The following DOCK7 variants were observed in gnomAD, a reference collection of about 807,000 sequenced individuals.
DOCK7 encodes dedicator of cytokinesis protein 7.
In DOCK7, 138 loss-of-function variants were observed where a neutral mutation model predicts 271.0. That is an observed-to-expected ratio of 0.51 (90% CI 0.44 to 0.59). The LOEUF is 0.59. Ranked by LOEUF, DOCK7 falls within the 20% of genes least tolerant of loss-of-function variation. The probability of loss-of-function intolerance (pLI) is 0.00; values close to 1 mark genes in which losing one functional copy is unlikely to be tolerated. For synonymous variants in DOCK7, 823 were observed against 876.1 expected (o/e 0.94, Z 1.07); for missense variants, 2,066 against 2,592.4 (o/e 0.80, Z 4.41).
At chr1:62,550,685 A>G (rs564203991) in intron 22 of DOCK7, among the ~76,000 whole-genome samples, 1 of 151,930 alleles carries the variant, frequency 6.6e-6, no homozygotes, top group South Asian at 2.1e-4. Context: ...TTTGGGAAAG[A>G]TAAGGGAACT....
chr1:62,495,514 T>C (rs1419641312), intron 39 of DOCK7, 67 bp downstream of exon 39: 5 of 943,092 alleles, frequency 5.3e-6, no homozygotes, highest in Non-Finnish European at 7.5e-6. Flanking sequence ...ATTTTTTTCA[T>C]CTAATGCTTA....
In DOCK7 at chr1:62,604,596, G is replaced by A; in HGVS notation, c.1682+14110C>T. The A allele has an allele frequency of 4.4e-6, 7 of 1,592,190 alleles. No homozygotes were observed. The East Asian group carries it at 6.7e-5, about 15-fold the overall frequency. On this transcript the variant is annotated intron_variant, in intron 14 of 49. Coordinates refer to ENST00000635253, the MANE Select transcript of DOCK7 (RefSeq NM_001367561.1). ...ATACAGTAACAGTAACTACATACGAGTCTGTACCCATTAAATTGCATATCT... is the reference window on the plus strand; with the variant it reads ...ATACAGTAACAGTAACTACATACGAATCTGTACCCATTAAATTGCATATCT...
intron 48 of DOCK7, among the ~76,000 whole-genome samples, chr1:62,460,248 AAAT>A (rs2149227061): frequency 6.6e-6 from 1 of 152,228 alleles, no homozygotes; most frequent in South Asian, 2.1e-4. Flanking sequence ...TCACCCATAA[AAAT>A]AATTGTAAAA....
intron 21 of DOCK7, among the ~76,000 whole-genome samples, chr1:62,553,344 ATATATATATATTTTTTT>A (rs1646003813): frequency 1.9e-4 from 6 of 31,304 alleles, no homozygotes; most frequent in Non-Finnish European, 2.7e-4. Context: ...ATATATATAT[ATATATATATATTTTTTT>A]TTTTTTTTTT....
chr1:62,596,379 A>T (rs765911388), intron 14 of DOCK7, among the ~76,000 whole-genome samples: 1 of 152,228 alleles, frequency 6.6e-6, no homozygotes, highest in Non-Finnish European at 1.5e-5. Context: ...AAGATTAAGC[A>T]GTTTTAAAGG....
At chr1:62,622,878 C>T (rs931431725) in intron 12 of DOCK7, among the ~76,000 whole-genome samples, 11 of 151,990 alleles carry the variant, frequency 7.2e-5, no homozygotes, top group Admixed American at 2.0e-4. Context: ...TACAGTGAGC[C>T]GAGACTGTGC....
intron 1 of DOCK7, among the ~76,000 whole-genome samples, chr1:62,672,080 GGTCCATCT>G (rs1660081739): frequency 6.6e-6 from 1 of 151,818 alleles, no homozygotes; most frequent in Non-Finnish European, 1.5e-5. Flanking sequence ...GAAAATAAAA[GGTCCATCT>G]CTCTGCCATC....
intron 2 of DOCK7, among the ~76,000 whole-genome samples, chr1:62,659,092 G>A (rs1329255423): frequency 6.6e-6 from 1 of 151,842 alleles, no homozygotes; most frequent in African/African-American, 2.4e-5. Context: ...AATAATAAAA[G>A]GTATCTGGAA....
intron 21 of DOCK7, 28 bp downstream of exon 21, chr1:62,555,795 GAC>G (rs1228271180): frequency 1.9e-6 from 3 of 1,589,078 alleles, no homozygotes; most frequent in African/African-American, 2.7e-5. Flanking sequence ...ATTTATGAAA[GAC>G]AGCTTCATAG....
rs1236503975 is a variant in DOCK7 at position 62,661,291 on chromosome 1, A to C, written c.144+1734T>G. Among the ~76,000 whole-genome samples the C allele has an allele frequency of 2.0e-5, 3 of 152,242 alleles. No individual in the cohort carries two copies. In the East Asian group the frequency reaches 5.8e-4, roughly 29 times the overall value. On this transcript the variant is annotated intron_variant, in intron 2 of 49. Transcript: ENST00000635253. ...TGGGAAGGGGGGAAAATGGGAAGTT[A>C]TTGTTTAATGGGTACAGGGTTTCAG...
intron 11 of DOCK7, among the ~76,000 whole-genome samples, chr1:62,630,983 G>A (rs1199390537): frequency 2.6e-5 from 4 of 151,854 alleles, no homozygotes; most frequent in African/African-American, 9.7e-5. Flanking sequence ...TCAGGAGTTC[G>A]AGACCAGTTT....
chr1:62,554,389 G>A (rs1333972923), intron 21 of DOCK7, among the ~76,000 whole-genome samples: 2 of 144,214 alleles, frequency 1.4e-5, no homozygotes, highest in East Asian at 2.1e-4. Context: ...GGAGAATGGC[G>A]TGAACCCGGG....
intron 48 of DOCK7, among the ~76,000 whole-genome samples, chr1:62,466,653 C>T (rs1645685339): frequency 6.6e-6 from 1 of 152,098 alleles, no homozygotes; most frequent in South Asian, 2.1e-4. Flanking sequence ...ACATCTCGGC[C>T]AGGTACTGTG....
At chr1:62,458,033 C>A in intron 48 of DOCK7, 1 of 218,924 alleles carries the variant, frequency 4.6e-6, no homozygotes, top group Non-Finnish European at 9.2e-6. Flanking sequence ...ACTCCTGTAG[C>A]CCCAGCTATT....
At chr1:62,621,680 TTTTA>T (rs1405828130) in intron 12 of DOCK7, among the ~76,000 whole-genome samples, 1 of 152,188 alleles carries the variant, frequency 6.6e-6, no homozygotes, top group Non-Finnish European at 1.5e-5. Context: ...AAGCTTTTAG[TTTTA>T]TTGAGTTATG....
At chr1:62,593,559 A>T (rs897888476) in intron 14 of DOCK7, among the ~76,000 whole-genome samples, 1 of 152,186 alleles carries the variant, frequency 6.6e-6, no homozygotes, top group Non-Finnish European at 1.5e-5. Context: ...AACAAAGAGC[A>T]AAACTCCGTC....
rs113362303 is a variant in DOCK7 at position 62,618,714 on chromosome 1, A to T, written c.1674T>A (p.Thr558=). The T allele has an allele frequency of 2.5e-6, 4 of 1,612,336 alleles. No individual in the cohort carries two copies. The African/African-American group carries it at 5.3e-5, about 22-fold the overall frequency. ...AAATTAAAATCTCTTACCTGTAAGT[A>T]GTGTTTGGAACATAAACATCCCTTG... ...FPARDVYVPN[T]TYRNLLYIYP... The change falls in exon 14 of 50, where the codon ACT becomes ACA. Residue 558 remains threonine (T), a synonymous_variant. Transcript: ENST00000635253.
chr1:62,508,208 GT>G, intron 34 of DOCK7, 150 bp from the exon 35 acceptor site: 2 of 695,146 alleles, frequency 2.9e-6, no homozygotes, highest in Non-Finnish European at 4.5e-6. Context: ...AAAGGCAGTA[GT>G]TTACACATTT....
At chr1:62,545,977 G>T (rs1645693613) in intron 22 of DOCK7, among the ~76,000 whole-genome samples, 1 of 152,136 alleles carries the variant, frequency 6.6e-6, no homozygotes, top group Admixed American at 6.6e-5. Context: ...ATTGGAACTG[G>T]AGCAAGTTGT....
Sources: allele counts gnomAD v4.1 joint callset (sites outside exome capture counted in the v4.1 genomes callset), GRCh38; gene constraint gnomAD v4.1.1; transcripts MANE v1.5; gene names NCBI Gene and HGNC (gene_info 2026-07-23, HGNC 2026-07-21).